ZNF276: variants seen among roughly 807,000 people sequenced by gnomAD.
ZNF276 encodes the protein centromere protein Z.
In ZNF276, 59 loss-of-function variants were observed where a neutral mutation model predicts 63.9. The observed-to-expected ratio is 0.92, with a 90% CI of 0.75 to 1.15. ZNF276 has a LOEUF of 1.15. ZNF276 is among the 50% of genes most tolerant of loss of function. ZNF276 has a pLI of 0.00. For synonymous variants in ZNF276, 496 were observed against 348.4 expected (o/e 1.42, Z -4.72); for missense variants, 1,084 against 843.8 (o/e 1.28, Z -3.53).
intron 4 of ZNF276, among the ~76,000 whole-genome samples, chr16:89,726,803 G>A (rs1403235929): frequency 6.6e-6 from 1 of 151,370 alleles, no homozygotes; most frequent in Non-Finnish European, 1.5e-5. Context: ...GTGCCACCAT[G>A]CCCGGCTAAT....
intron 9 of ZNF276, among the ~76,000 whole-genome samples, chr16:89,735,778 G>A (rs551560719): frequency 7.2e-5 from 11 of 152,106 alleles, no homozygotes; most frequent in East Asian, 5.8e-4. Context: ...GCAGTGGCGC[G>A]ATCTTGGCTC....
chr16:89,722,537 G>T lies in ZNF276; in HGVS notation c.212G>T (p.Gly71Val). The T allele has an allele frequency of 6.2e-7, 1 of 1,611,094 alleles. No individual in the cohort carries two copies. The change falls in exon 2 of 11, where the codon GGC (glycine) becomes GTC (valine). Residue 71 changes from glycine (G) to valine (V), a missense_variant. By Grantham distance (109) the Gly-to-Val change is moderately radical (BLOSUM62 -3). Transcript: ENST00000443381. ...GEDGADEAGAGRALAMGHCRL... is the reference protein window; with the variant it reads ...GEDGADEAGAVRALAMGHCRL... Reference sequence around the variant, plus strand: ...TTCCTGCCGCTCTGTGCAGGAGCAGGCCGGGCTCTCGCCATGGGTCACTGT... The same window carrying T: ...TTCCTGCCGCTCTGTGCAGGAGCAGTCCGGGCTCTCGCCATGGGTCACTGT...
At chr16:89,722,873 G>C (rs762532642) in intron 2 of ZNF276, 39 bp downstream of exon 2, 3 of 1,581,184 alleles carry the variant, frequency 1.9e-6, no homozygotes, top group Non-Finnish European at 2.6e-6. Context: ...CAGGCTGTCA[G>C]TACTGCAGTG....
rs774393332 is a variant in ZNF276 at position 89,738,003 on chromosome 16, G to A, written c.1602G>A (p.Arg534=). ...LQCEVCGFQC[R]QRASLKYHMT... ...GTGAGGTCTGTGGGTTCCAGTGCAG[G>A]CAGCGGGCATCCCTCAAGTACCACA... The change falls in exon 11 of 11, where the codon AGG becomes AGA. Residue 534 remains arginine, a synonymous_variant. Coordinates refer to ENST00000443381, the MANE Select transcript of ZNF276 (RefSeq NM_001113525.2). 8 of 1,614,012 alleles carry A rather than the reference G, an allele frequency of 5.0e-6. No homozygotes were observed. Among genetic ancestry groups the A allele is most frequent in the Non-Finnish European group, 6.8e-6 (8 of 1,180,038 alleles).
At chr16:89,732,862 CG>C (rs1381749733) in intron 6 of ZNF276, 1 of 227,986 alleles carries the variant, frequency 4.4e-6, no homozygotes, top group South Asian at 4.0e-5. Flanking sequence ...CTGCTGTGCT[CG>C]CCCTGACCCT....
At position 89,734,827 on chromosome 16, in the gene ZNF276, C is replaced by T. The variant is rs111954086; in HGVS notation, c.1474+789C>T. Among the ~76,000 whole-genome samples the T allele has an allele frequency of 9.1e-3, 1,385 of 152,278 alleles. 16 individuals carry two copies. The highest frequency in any genetic ancestry group is 0.032 in the African/African-American group (1,325 of 41,550). ...TATTTTTCACAATTTCTATAATGCA[C>T]AAGTTACTTTTATAATCCAACAAGG... On this transcript the variant is annotated intron_variant, in intron 9 of 10. Transcript: ENST00000443381.
At chr16:89,735,881 GT>G (rs935617727) in intron 9 of ZNF276, among the ~76,000 whole-genome samples, 2 of 101,894 alleles carry the variant, frequency 2.0e-5, no homozygotes, top group Admixed American at 1.1e-4. Context: ...CGCCGGGGGT[GT>G]TTTTTTTTGT....
chr16:89,738,018 C>T lies in ZNF276; in HGVS notation c.1617C>T (p.Leu539=). The T allele has an allele frequency of 1.9e-6, 3 of 1,614,164 alleles. No homozygotes were observed. Among genetic ancestry groups the T allele is most frequent in the Non-Finnish European group, 1.7e-6 (2 of 1,180,044 alleles). The change falls in exon 11 of 11, where the codon CTC becomes CTT. Residue 539 remains leucine (L), a synonymous_variant. Coordinates refer to ENST00000443381, the MANE Select transcript of ZNF276 (RefSeq NM_001113525.2). ...TCCAGTGCAGGCAGCGGGCATCCCT[C>T]AAGTACCACATGACCAAACACAAGG... The part of the protein sequence containing the change: ...CGFQCRQRAS[L]KYHMTKHKAE...
intron 9 of ZNF276, among the ~76,000 whole-genome samples, chr16:89,734,838 T>G (rs1212173813): frequency 6.6e-6 from 1 of 152,196 alleles, no homozygotes; most frequent in Admixed American, 6.5e-5. Flanking sequence ...AAGTTACTTT[T>G]ATAATCCAAC....
At position 89,722,660 on chromosome 16, in the gene ZNF276, T is replaced by A; in HGVS notation, c.335T>A (p.Val112Glu). ...SMERPSAEER[V>E]LVRDFQRLLG... ...GAGAGGCCATCCGCAGAGGAGCGCG[T>A]GCTCGTACGGGACTTCCAGCGCCTG... The change falls in exon 2 of 11, where the codon GTG (valine) becomes GAG (glutamate). Residue 112 changes from valine to glutamate, a missense_variant. Coordinates refer to ENST00000443381, the MANE Select transcript of ZNF276 (RefSeq NM_001113525.2). 2 of 1,612,312 alleles carry A rather than the reference T, an allele frequency of 1.2e-6. No individual in the cohort carries two copies. The highest frequency in any genetic ancestry group is 1.7e-6 in the Non-Finnish European group (2 of 1,180,016).
chr16:89,740,777 C>T lies in ZNF276; in HGVS notation c.*2531C>T, dbSNP rs2151716609. ...CTGCCTGGCCCACAGTGGGAGAGGA[C>T]ACCTTGGCTGGTAAGGTCTGACTTA... On this transcript the variant is annotated 3_prime_UTR_variant, in exon 11 of 11. Coordinates refer to ENST00000443381, the MANE Select transcript of ZNF276 (RefSeq NM_001113525.2). The T allele has an allele frequency of 6.2e-7, 1 of 1,608,180 alleles. No homozygotes were observed. The highest frequency in any genetic ancestry group is 8.5e-7 in the Non-Finnish European group (1 of 1,175,544).
intron 4 of ZNF276, among the ~76,000 whole-genome samples, chr16:89,726,233 G>A (rs994953739): frequency 3.3e-5 from 5 of 152,090 alleles, no homozygotes; most frequent in Admixed American, 2.0e-4. Flanking sequence ...TTCACTCTTT[G>A]TTACCCAGGC....
intron 8 of ZNF276, 86 bp from the exon 9 acceptor site, chr16:89,733,835 A>G: frequency 7.8e-7 from 1 of 1,277,472 alleles, no homozygotes; most frequent in Non-Finnish European, 1.1e-6. Flanking sequence ...TCTGCCTTCC[A>G]GGGGCCTCAG....
Position 89,723,467 on chromosome 16 carries a change from G to T in ZNF276, c.764G>T (p.Ser255Ile). ...SSSCKAFLLD[S>I]ALAVKWPWDK... ...AGCTGCAAGGCCTTCTTGCTGGACA[G>T]TGCGCTGGCAGTCAAGTGGCCATGG... Residue 255 changes from serine (S) to isoleucine (I), a missense_variant, in exon 4 of 11, where the codon AGT becomes ATT. Ser to Ile is a moderately radical substitution (Grantham distance 142). Coordinates refer to ENST00000443381, the MANE Select transcript of ZNF276 (RefSeq NM_001113525.2). The T allele has an allele frequency of 6.2e-7, 1 of 1,613,032 alleles. No homozygotes were observed.
At chr16:89,727,220 C>T (rs2061496045) in intron 4 of ZNF276, 59 bp from the exon 5 acceptor site, 2 of 1,531,862 alleles carry the variant, frequency 1.3e-6, no homozygotes, top group East Asian at 2.3e-5. Flanking sequence ...TGCCTCCTTG[C>T]AGGTGAGACC....
chr16:89,730,220 A>C (rs1302714869), intron 6 of ZNF276, among the ~76,000 whole-genome samples: 1 of 152,196 alleles, frequency 6.6e-6, no homozygotes, highest in East Asian at 1.9e-4. Flanking sequence ...CAGCTTCAGC[A>C]TGAACAGAAA....
intron 2 of ZNF276, 55 bp downstream of exon 2, chr16:89,722,889 G>A (rs763194515): frequency 3.9e-5 from 61 of 1,571,482 alleles, no homozygotes; most frequent in South Asian, 1.0e-4. Context: ...CAGTGTGACG[G>A]GTGTTGAGAG....
upstream of ZNF276, chr16:89,720,379 G>A (rs2151648949): frequency 2.0e-6 from 2 of 987,626 alleles, no homozygotes; most frequent in South Asian, 4.7e-5. Flanking sequence ...TCTGCATGCC[G>A]TCCCCTGTGG....
chr16:89,729,417 C>A, intron 6 of ZNF276, 99 bp downstream of exon 6: 1 of 1,070,700 alleles, frequency 9.3e-7, no homozygotes, highest in South Asian at 1.3e-5. Flanking sequence ...TCAGTTCACT[C>A]TCTCGTGTGC....
Sources: allele counts gnomAD v4.1 joint callset (sites outside exome capture counted in the v4.1 genomes callset), GRCh38; gene constraint gnomAD v4.1.1; transcripts MANE v1.5; gene names NCBI Gene and HGNC (gene_info 2026-07-23, HGNC 2026-07-21).